BCR: variants seen among roughly 807,000 people sequenced by gnomAD.
BCR encodes breakpoint cluster region protein.
A neutral mutation model predicts 138.6 loss-of-function variants in BCR; 58 were observed. The observed-to-expected ratio is 0.42, with a 90% confidence interval of 0.34 to 0.52. The LOEUF (loss-of-function observed/expected upper bound fraction) is 0.52. Among genes scored for constraint, BCR ranks in the 20% least tolerant of loss-of-function variants. The probability of loss-of-function intolerance (pLI) is 0.06; values close to 1 mark genes in which losing one functional copy is unlikely to be tolerated. For missense variants in BCR, 1,599 were observed against 1,727.2 expected (o/e 0.93, Z 1.32); for synonymous variants, 786 against 730.1 (o/e 1.08, Z -1.23).
In BCR at chr22:23,181,520, G is replaced by A. The variant is rs754679388; in HGVS notation, c.560G>A (p.Gly187Asp). Residue 187 changes from glycine to aspartate, a missense_variant, in exon 1 of 23, where the codon GGC becomes GAC. Gly to Asp is a moderately conservative substitution (Grantham distance 94). Coordinates refer to ENST00000305877, the MANE Select transcript of BCR (RefSeq NM_004327.4). ...AACGTCGAGTTTCACCACGAGCGCG[G>A]CCTGGTGAAGGTCAACGACAAAGAG... The part of the protein sequence containing the change: ...YVNVEFHHER[G>D]LVKVNDKEVS... 11 of 1,612,826 alleles carry A rather than the reference G, an allele frequency of 6.8e-6. No homozygotes were observed. The South Asian group carries it at 1.1e-4, about 16-fold the overall frequency.
At chr22:23,186,506 A>G (rs1231363195) in intron 1 of BCR, among the ~76,000 whole-genome samples, 1 of 152,112 alleles carries the variant, frequency 6.6e-6, no homozygotes, top group Admixed American at 6.5e-5. Context: ...GAACTTTTTC[A>G]TCTTCCCGAC....
At chr22:23,210,912 C>T (rs1195404577) in intron 1 of BCR, among the ~76,000 whole-genome samples, 1 of 152,164 alleles carries the variant, frequency 6.6e-6, no homozygotes, top group Non-Finnish European at 1.5e-5. Context: ...TCAGATGTAA[C>T]ATACATACCA....
chr22:23,255,045 A>G (rs1248123695), intron 2 of BCR, among the ~76,000 whole-genome samples: 1 of 152,208 alleles, frequency 6.6e-6, no homozygotes, highest in East Asian at 1.9e-4. Flanking sequence ...TAATAATAAA[A>G]AAATAAATAA....
chr22:23,248,593 G>C (rs2073183027), intron 1 of BCR, among the ~76,000 whole-genome samples: 1 of 152,092 alleles, frequency 6.6e-6, no homozygotes, highest in East Asian at 1.9e-4. Flanking sequence ...GATTTGCAGA[G>C]TTCTGGGGTT....
chr22:23,309,706 A>G lies in BCR; in HGVS notation c.3072+223A>G, dbSNP rs1191221255. The G allele has an allele frequency of 7.1e-6, 4 of 565,070 alleles. No homozygotes were observed. The East Asian group carries it at 1.2e-4, about 17-fold the overall frequency. The allele number at this position is 565,070 out of a possible 1,614,324, so 35.0% of individuals were successfully genotyped here. ...CCAGGCCCTGAGCATCCCTCCTCAA[A>G]CAAAGGTCTCATGGCACCACCAGGA... On this transcript the variant is annotated intron_variant, in intron 17 of 22. Coordinates refer to ENST00000305877, the MANE Select transcript of BCR (RefSeq NM_004327.4).
At chr22:23,283,297 A>T (rs2073671040) in intron 8 of BCR, 1 of 152,222 alleles carries the variant, frequency 6.6e-6, no homozygotes, top group East Asian at 1.9e-4. Flanking sequence ...CACACCGGGG[A>T]CCCTATCCAT....
chr22:23,290,491 G>A, intron 14 of BCR, 78 bp downstream of exon 14: 1 of 1,438,104 alleles, frequency 7.0e-7, no homozygotes. Context: ...CGGGCAGGGT[G>A]TGGGGAAACA....
chr22:23,204,893 A>T (rs1008247843), intron 1 of BCR, among the ~76,000 whole-genome samples: 1 of 152,228 alleles, frequency 6.6e-6, no homozygotes, highest in Non-Finnish European at 1.5e-5. Flanking sequence ...TGGTAGTGCC[A>T]GCTGGTGTCT....
At position 23,271,552 on chromosome 22, in the gene BCR, C is replaced by A; in HGVS notation, c.1881C>A (p.Asn627Lys). ...EISENLRARS[N>K]KDAKDPTTKN... The stretch of plus-strand genomic sequence containing the variant: ...TGCAGAACCTGAGAGCCAGAAGCAA[C>A]AAAGATGCCAAGGATCCAACGACCA... The change falls in exon 6 of 23, where the codon AAC becomes AAA. Residue 627 changes from asparagine to lysine, a missense_variant. By Grantham distance (94) the Asn-to-Lys change is moderately conservative (BLOSUM62 0). This residue lies in a region of BCR where 590 missense variants were observed against 762.4 expected (regional missense o/e 0.77). Transcript: ENST00000305877. The A allele has an allele frequency of 1.9e-6, 3 of 1,614,094 alleles. No individual in the cohort carries two copies. The highest frequency in any genetic ancestry group is 2.5e-6 in the Non-Finnish European group (3 of 1,180,010).
intron 1 of BCR, among the ~76,000 whole-genome samples, chr22:23,190,604 G>A (rs555908109): frequency 5.3e-5 from 8 of 152,174 alleles, no homozygotes; most frequent in South Asian, 4.1e-4. Context: ...GAGTTAGAAC[G>A]TCAACATATG....
chr22:23,315,280 C>A (rs2074056649), intron 22 of BCR, among the ~76,000 whole-genome samples, 153 bp from the exon 23 acceptor site: 1 of 151,252 alleles, frequency 6.6e-6, no homozygotes, highest in African/African-American at 2.4e-5. Context: ...CAGGACCCCA[C>A]CCCACCCCCA....
At chr22:23,297,545 C>T (rs559574214) in intron 16 of BCR, among the ~76,000 whole-genome samples, 1 of 152,204 alleles carries the variant, frequency 6.6e-6, no homozygotes, top group Non-Finnish European at 1.5e-5. Context: ...CCACTTCTCT[C>T]TCCCTCTCCA....
rs1321102098 is a variant in BCR, at chr22:23,315,418, A to G, written c.3727-15A>G. On this transcript the variant is annotated splice_polypyrimidine_tract_variant and intron_variant, in intron 22 of 22. Transcript: ENST00000305877. ...GCTCTGAGCCACTCTTCTCTTCCCT[A>G]CTCTGCCCGGGCAGGTCCAGGTGCT... 8.7e-6 allele frequency: 14 copies of G among 1,612,294 alleles called. No homozygotes were observed. The highest frequency in any genetic ancestry group is 1.1e-5 in the South Asian group (1 of 91,020).
intron 1 of BCR, chr22:23,199,490 G>T: frequency 2.6e-6 from 1 of 378,280 alleles, no homozygotes; most frequent in Non-Finnish European, 5.2e-6. Flanking sequence ...TCCTCAGGAA[G>T]CTTGAGGCTT....
At chr22:23,255,708 T>TG (rs1198765729) in intron 2 of BCR, among the ~76,000 whole-genome samples, 5 of 152,178 alleles carry the variant, frequency 3.3e-5, no homozygotes, top group Non-Finnish European at 7.4e-5. Context: ...GGCTCTGACT[T>TG]GGAGTACAGC....
At chr22:23,260,725 C>T in intron 2 of BCR, 1 of 525,016 alleles carries the variant, frequency 1.9e-6, no homozygotes, top group East Asian at 3.4e-5. Flanking sequence ...AAGGGTGGCC[C>T]TGGTGTTGCC....
intron 1 of BCR, among the ~76,000 whole-genome samples, chr22:23,201,171 G>C (rs987767890): frequency 4.6e-5 from 7 of 152,234 alleles, no homozygotes; most frequent in African/African-American, 1.4e-4. Context: ...TGATTAATGA[G>C]TTTGTTTTTT....
At chr22:23,268,350 C>G (rs530037774) in intron 4 of BCR, 58 bp from the exon 5 acceptor site, 2 of 1,422,738 alleles carry the variant, frequency 1.4e-6, no homozygotes, top group Admixed American at 4.2e-5. Flanking sequence ...GCCTGCTCTT[C>G]AGAAAGATGG....
chr22:23,279,238 C>T (rs897256272), intron 8 of BCR, among the ~76,000 whole-genome samples: 1 of 152,206 alleles, frequency 6.6e-6, no homozygotes, highest in Non-Finnish European at 1.5e-5. Flanking sequence ...GGCATAGTGT[C>T]TCTCAGGGCA....
Sources: gnomAD v4.1 joint callset for allele counts (sites outside exome capture counted in the v4.1 genomes callset) on GRCh38, gnomAD v4.1.1 for gene constraint, gnomAD v4.1.1 regional missense constraint, MANE v1.5 for transcripts, NCBI Gene and HGNC (gene_info 2026-07-23, HGNC 2026-07-21) for gene names.